CNMD: variants seen among roughly 807,000 people sequenced by gnomAD.
CNMD encodes leukocyte cell-derived chemotaxin 1.
Under a neutral mutation model 37.5 loss-of-function variants are expected in CNMD, and 30 were observed. The ratio of observed to expected loss-of-function variants is 0.80; its 90% CI spans 0.60 to 1.09. The LOEUF (loss-of-function observed/expected upper bound fraction) is 1.09. Among genes scored for constraint, CNMD ranks in the 50% least tolerant of loss-of-function variants. The pLI is 0.00. For synonymous variants in CNMD, 167 were observed against 148.2 expected (o/e 1.13, Z -0.92); for missense variants, 398 against 423.9 (o/e 0.94, Z 0.54).
At chr13:52,712,202 A>G (rs1002176274) in intron 5 of CNMD, among the ~76,000 whole-genome samples, 6 of 152,130 alleles carry the variant, frequency 3.9e-5, no homozygotes, top group Non-Finnish European at 5.9e-5. Context: ...TGTGAACCCC[A>G]GGGAGTCTGC....
At position 52,721,915 on chromosome 13, in the gene CNMD, C is replaced by T. The variant is rs564908880; in HGVS notation, c.468+2082G>A. Among the ~76,000 whole-genome samples the T allele has an allele frequency of 4.6e-5, 7 of 152,140 alleles. No homozygotes were observed. In the South Asian group the frequency reaches 1.5e-3, roughly 32 times the overall value. ...CCTTGTAGAAGGCAGGAGAGGAGAA[C>T]AAGTTCTGGGTCCATTTGTAGGGAA... On this transcript the variant is annotated intron_variant, in intron 4 of 6. Coordinates refer to ENST00000377962, the MANE Select transcript of CNMD (RefSeq NM_007015.3).
intron 3 of CNMD, among the ~76,000 whole-genome samples, chr13:52,730,364 T>C (rs1397504477): frequency 3.9e-5 from 6 of 152,108 alleles, no homozygotes; most frequent in Non-Finnish European, 8.8e-5. Flanking sequence ...GGTCAAATGG[T>C]ATTTCTAGTT....
At chr13:52,725,507 A>G (rs926634329) in intron 3 of CNMD, among the ~76,000 whole-genome samples, 1 of 152,228 alleles carries the variant, frequency 6.6e-6, no homozygotes, top group Admixed American at 6.5e-5. Context: ...GGGAAACATC[A>G]GCCACAAAGC....
chr13:52,720,913 T>C (rs1351028490), intron 4 of CNMD, among the ~76,000 whole-genome samples: 1 of 152,088 alleles, frequency 6.6e-6, no homozygotes, highest in Non-Finnish European at 1.5e-5. Context: ...AGCCGCCCCT[T>C]CCCCCAGGTG....
chr13:52,710,501 G>T (rs1011810190), intron 5 of CNMD, among the ~76,000 whole-genome samples: 2 of 152,186 alleles, frequency 1.3e-5, no homozygotes, highest in African/African-American at 4.8e-5. Flanking sequence ...CCGTGTCTCT[G>T]ATAATACAGC....
At chr13:52,722,136 G>C (rs1964495074) in intron 4 of CNMD, among the ~76,000 whole-genome samples, 1 of 152,006 alleles carries the variant, frequency 6.6e-6, no homozygotes, top group Non-Finnish European at 1.5e-5. Context: ...TAAGGAACCA[G>C]CTGGAACACC....
intron 3 of CNMD, 72 bp downstream of exon 3, chr13:52,733,147 G>T: frequency 6.7e-7 from 1 of 1,494,560 alleles, no homozygotes; most frequent in Admixed American, 1.7e-5. Context: ...GAGAAACGCT[G>T]CTCCTCCTTG....
intron 4 of CNMD, among the ~76,000 whole-genome samples, chr13:52,722,992 T>C (rs1964508179): frequency 6.6e-6 from 1 of 152,224 alleles, no homozygotes; most frequent in African/African-American, 2.4e-5. Flanking sequence ...GAGTGCCCTG[T>C]GGCTGCTTTC....
At position 52,703,338 on chromosome 13, in the gene CNMD, C is replaced by G. The variant is rs1485149743; in HGVS notation, c.*257G>C. 5.5e-6 allele frequency: 2 copies of G among 361,034 alleles called. No individual in the cohort carries two copies. The highest frequency in any genetic ancestry group is 1.0e-5 in the Non-Finnish European group (2 of 199,322). The allele number at this position is 361,034 out of a possible 1,614,324, so 22.4% of individuals were successfully genotyped here. A position where few individuals can be genotyped will look rare whatever the true frequency, so the allele number is the denominator to read the frequency against. On this transcript the variant is annotated 3_prime_UTR_variant, in exon 7 of 7. Coordinates refer to ENST00000377962, the MANE Select transcript of CNMD (RefSeq NM_007015.3). ...GATACAAGCAAGGGAAGACTTATGGCAAAGCAATGCAAATAAAAAATAACA... is the reference window on the plus strand; with the variant it reads ...GATACAAGCAAGGGAAGACTTATGGGAAAGCAATGCAAATAAAAAATAACA...
In CNMD at chr13:52,739,252, G is replaced by A; in HGVS notation, c.73-81C>T. 3 of 1,389,834 alleles carry A rather than the reference G, an allele frequency of 2.2e-6. No individual in the cohort carries two copies. Among genetic ancestry groups the A allele is most frequent in the East Asian group, 2.9e-5 (1 of 34,340 alleles). 86.1% of individuals were successfully genotyped at this position (1,389,834 alleles called of 1,614,324 possible). ...CCCCAGCGCACCCGGGCCCCACGCG[G>A]TAGCCCCCAGGGAGTGGGGAGTCGG... On this transcript the variant is annotated intron_variant, in intron 1 of 6. Transcript: ENST00000377962. The surrounding 1 kb of genome is among the most constrained non-coding windows in gnomAD (Gnocchi z 5.4).
chr13:52,706,803 T>G (rs4242994), intron 6 of CNMD, among the ~76,000 whole-genome samples: 151,123 of 152,258 alleles, frequency 0.99, 74,998 homozygotes, highest in East Asian at 1. Flanking sequence ...TTGTTAATAG[T>G]TTGCTTTGGG....
intron 5 of CNMD, among the ~76,000 whole-genome samples, chr13:52,709,316 T>C (rs1594276424): frequency 1.3e-5 from 2 of 152,110 alleles, no homozygotes; most frequent in East Asian, 3.8e-4. Context: ...TAGCTGATAG[T>C]GTCAAAAACC....
At chr13:52,721,653 C>G (rs936549196) in intron 4 of CNMD, among the ~76,000 whole-genome samples, 2 of 152,192 alleles carry the variant, frequency 1.3e-5, no homozygotes, top group African/African-American at 4.8e-5. Context: ...TGAGATAAGC[C>G]AGGTACCTCA....
chr13:52,717,001 G>A (rs888874578), intron 4 of CNMD, among the ~76,000 whole-genome samples: 28 of 152,218 alleles, frequency 1.8e-4, no homozygotes, highest in Admixed American at 5.9e-4. Flanking sequence ...TTTTCCATGC[G>A]TTTGTGTCCT....
intron 3 of CNMD, among the ~76,000 whole-genome samples, chr13:52,726,905 A>T (rs1389906736): frequency 1.3e-5 from 2 of 152,202 alleles, no homozygotes; most frequent in Non-Finnish European, 2.9e-5. Context: ...ATATTATGAA[A>T]AAGAACGAAA....
Position 52,708,662 on chromosome 13 carries a change from A to G in CNMD, c.663T>C (p.Val221=). ...RERREVVRKI[V]PTTTKRPHSG... ...TGTGTGGTCTTTTTGTGGTAGTTGG[A>G]ACAATTTTTCTTACCACTTCTCTTC... is the stretch of plus-strand genomic sequence containing the variant. The change falls in exon 6 of 7, where the codon GTT becomes GTC. Residue 221 remains valine, a synonymous_variant. Coordinates refer to ENST00000377962, the MANE Select transcript of CNMD (RefSeq NM_007015.3). 1 of 1,611,520 alleles carries G rather than the reference A, an allele frequency of 6.2e-7. No individual in the cohort carries two copies. Among genetic ancestry groups the G allele is most frequent in the Non-Finnish European group, 8.5e-7 (1 of 1,179,310 alleles).
At chr13:52,733,143 C>T (rs76198562) in intron 3 of CNMD, 76 bp downstream of exon 3, 15,350 of 1,469,252 alleles carry the variant, frequency 0.01, 123 homozygotes, top group Admixed American at 0.015. Flanking sequence ...GTGTGAGAAA[C>T]GCTGCTCCTC....
chr13:52,724,941 A>G (rs1566227686), intron 3 of CNMD, among the ~76,000 whole-genome samples: 1 of 152,220 alleles, frequency 6.6e-6, no homozygotes, highest in Non-Finnish European at 1.5e-5. Context: ...AAAGTCAGGT[A>G]ATAACTGTTA....
At chr13:52,737,070 C>A (rs1011206837) in intron 2 of CNMD, among the ~76,000 whole-genome samples, 2 of 152,182 alleles carry the variant, frequency 1.3e-5, no homozygotes, top group Non-Finnish European at 2.9e-5. Flanking sequence ...AGCTGGTTCT[C>A]CTCTATAAAC....
Sources: gnomAD v4.1 joint callset for allele counts (sites outside exome capture counted in the v4.1 genomes callset) on GRCh38, gnomAD v4.1.1 for gene constraint, Gnocchi (gnomAD v3.1) non-coding constraint, MANE v1.5 for transcripts, NCBI Gene and HGNC (gene_info 2026-07-23, HGNC 2026-07-21) for gene names.